Variants in KCNQ5 observed in about 807,000 individuals in gnomAD.
The protein encoded by KCNQ5 is potassium voltage-gated channel subfamily Q member 5.
Under a neutral mutation model 98.2 loss-of-function variants are expected in KCNQ5, and 30 were observed. The observed-to-expected ratio is 0.31, with a 90% CI of 0.23 to 0.41. The LOEUF (loss-of-function observed/expected upper bound fraction) is 0.41, where lower values mean the gene tolerates loss of function less well. Among genes scored for constraint, KCNQ5 ranks in the 10% least tolerant of loss-of-function variants. The probability of loss-of-function intolerance (pLI) is 1.00; values close to 1 mark genes in which losing one functional copy is unlikely to be tolerated. For synonymous variants in KCNQ5, 458 were observed against 449.4 expected (o/e 1.02, Z -0.24); for missense variants, 835 against 1,182.5 (o/e 0.71, Z 4.31).
intron 2 of KCNQ5, among the ~76,000 whole-genome samples, chr6:73,004,481 C>T (rs1478140101): frequency 6.6e-6 from 1 of 152,172 alleles, no homozygotes; most frequent in Non-Finnish European, 1.5e-5. Flanking sequence ...AACCAACAGA[C>T]TGCATTATGA....
intron 11 of KCNQ5, among the ~76,000 whole-genome samples, chr6:73,172,777 A>C (rs2150506462): frequency 6.6e-6 from 1 of 152,344 alleles, no homozygotes; most frequent in African/African-American, 2.4e-5. Flanking sequence ...TTGTTAGAAT[A>C]TTTAATACGA....
chr6:72,643,514 A>G (rs757657162), intron 1 of KCNQ5, among the ~76,000 whole-genome samples: 1 of 152,140 alleles, frequency 6.6e-6, no homozygotes, highest in Non-Finnish European at 1.5e-5. Flanking sequence ...TCTGAAATCC[A>G]AAATACTCCA....
At chr6:72,650,082 A>G (rs977962751) in intron 1 of KCNQ5, among the ~76,000 whole-genome samples, 6 of 152,118 alleles carry the variant, frequency 3.9e-5, no homozygotes, top group African/African-American at 1.4e-4. Context: ...ATGTTTATAT[A>G]GTTATTGGTT....
chr6:72,941,936 C>A (rs775314999), intron 1 of KCNQ5, among the ~76,000 whole-genome samples: 6 of 152,042 alleles, frequency 3.9e-5, no homozygotes, highest in African/African-American at 1.4e-4. Flanking sequence ...GTGTTCTGAG[C>A]AAACACAATG....
chr6:73,058,294 C>A (rs1377373186), intron 3 of KCNQ5, among the ~76,000 whole-genome samples: 1 of 152,096 alleles, frequency 6.6e-6, no homozygotes, highest in African/African-American at 2.4e-5. Flanking sequence ...CACCTGTAGT[C>A]CCAGCTACTC....
At chr6:72,739,474 A>G (rs1215421051) in intron 1 of KCNQ5, among the ~76,000 whole-genome samples, 1 of 152,154 alleles carries the variant, frequency 6.6e-6, no homozygotes, top group East Asian at 1.9e-4. Context: ...CCAACTGCTT[A>G]TTTTGGTTTT....
At chr6:72,881,467 C>T (rs897889371) in intron 1 of KCNQ5, among the ~76,000 whole-genome samples, 1 of 152,118 alleles carries the variant, frequency 6.6e-6, no homozygotes, top group African/African-American at 2.4e-5. Context: ...TTAGATTTCA[C>T]TTAATAAACA....
rs768043126 is a variant in KCNQ5, at chr6:73,077,840, G to T, written c.871G>T (p.Ala291Ser). Residue 291 changes from alanine (A) to serine (S), a missense_variant, in exon 5 of 14, where the codon GCC becomes TCC. Ala to Ser is a moderately conservative substitution (Grantham distance 99). Transcript: ENST00000370398. ...SFLVYLVEKD[A>S]NKEFSTYADA... ...CCTTGTCTATCTGGTGGAAAAGGAT[G>T]CCAATAAAGAGTTTTCTACATATGC... 6.2e-7 allele frequency: 1 copy of T among 1,611,994 alleles called. No individual in the cohort carries two copies. The highest frequency in any genetic ancestry group is 8.5e-7 in the Non-Finnish European group (1 of 1,178,528).
At chr6:73,122,051 G>A (rs2150441074) in intron 8 of KCNQ5, among the ~76,000 whole-genome samples, 1 of 152,276 alleles carries the variant, frequency 6.6e-6, no homozygotes. Context: ...AGATCTTGAA[G>A]TTTAGTTGAA....
chr6:73,157,473 C>T (rs780506592), intron 10 of KCNQ5: 6 of 696,424 alleles, frequency 8.6e-6, no homozygotes, highest in Non-Finnish European at 1.6e-5. Context: ...CCCGGCACCA[C>T]CACAGATTCC....
chr6:72,756,302 T>C (rs1771966664), intron 1 of KCNQ5, among the ~76,000 whole-genome samples: 1 of 152,194 alleles, frequency 6.6e-6, no homozygotes, highest in South Asian at 2.1e-4. Flanking sequence ...GTACATCTTC[T>C]GGCTTTTGGT....
intron 1 of KCNQ5, among the ~76,000 whole-genome samples, chr6:72,655,951 T>C (rs1469465533): frequency 6.6e-6 from 1 of 152,186 alleles, no homozygotes; most frequent in Non-Finnish European, 1.5e-5. Flanking sequence ...ATATGGGTCT[T>C]CCAAGATGCA....
At chr6:73,172,300 C>T (rs1010916582) in intron 11 of KCNQ5, among the ~76,000 whole-genome samples, 14 of 152,026 alleles carry the variant, frequency 9.2e-5, no homozygotes, top group African/African-American at 3.4e-4. Context: ...GAGGCAGATG[C>T]TGCGGTGAGC....
chr6:72,683,036 G>C (rs1767781533), intron 1 of KCNQ5, among the ~76,000 whole-genome samples: 1 of 152,182 alleles, frequency 6.6e-6, no homozygotes, highest in African/African-American at 2.4e-5. Flanking sequence ...TTTTAACTCA[G>C]TGTGTCTTCC....
intron 1 of KCNQ5, among the ~76,000 whole-genome samples, chr6:72,839,958 T>C (rs548620709): frequency 2.0e-5 from 3 of 152,318 alleles, no homozygotes; most frequent in Admixed American, 2.0e-4. Context: ...AATTTATTTC[T>C]CCTGTCTAAC....
At chr6:72,982,024 T>G (rs1582133316) in intron 1 of KCNQ5, among the ~76,000 whole-genome samples, 2 of 152,212 alleles carry the variant, frequency 1.3e-5, no homozygotes, top group East Asian at 3.8e-4. Flanking sequence ...AAGAGACAGT[T>G]TGTTGTGATT....
intron 2 of KCNQ5, among the ~76,000 whole-genome samples, chr6:73,031,014 G>C (rs905652617): frequency 6.6e-6 from 1 of 152,116 alleles, no homozygotes; most frequent in African/African-American, 2.4e-5. Flanking sequence ...AGCCACTCTG[G>C]CTCCACCCTG....
chr6:72,898,743 T>A (rs1344020708), intron 1 of KCNQ5, among the ~76,000 whole-genome samples: 1 of 152,184 alleles, frequency 6.6e-6, no homozygotes, highest in African/African-American at 2.4e-5. Flanking sequence ...CCTTGAGGAA[T>A]TGCCACACTG....
chr6:72,983,246 G>T (rs1266321072), intron 1 of KCNQ5, among the ~76,000 whole-genome samples: 1 of 152,130 alleles, frequency 6.6e-6, no homozygotes, highest in Non-Finnish European at 1.5e-5. Flanking sequence ...AGTTCTCCTG[G>T]ATAATATCCT....
Sources: allele counts gnomAD v4.1 joint callset (sites outside exome capture counted in the v4.1 genomes callset), GRCh38; gene constraint gnomAD v4.1.1; transcripts MANE v1.5; gene names NCBI Gene and HGNC (gene_info 2026-07-23, HGNC 2026-07-21).